PID1: variants seen among roughly 807,000 people sequenced by gnomAD.
PID1 encodes the protein PTB-containing, cubilin and LRP1-interacting protein.
A neutral mutation model predicts 19.1 loss-of-function variants in PID1; 10 were observed. The observed-to-expected ratio is 0.52, with a 90% CI of 0.32 to 0.89. The LOEUF is 0.89. Ranked by LOEUF, PID1 falls within the 40% of genes least tolerant of loss-of-function variation. The probability of loss-of-function intolerance (pLI) is 0.03; values close to 1 mark genes in which losing one functional copy is unlikely to be tolerated. For synonymous variants in PID1, 130 were observed against 116.0 expected, an observed-to-expected ratio of 1.12 and a Z score of -0.78; for missense variants, 248 against 285.3, an observed-to-expected ratio of 0.87 and a Z score of 0.94.
At chr2:229,270,921 A>G in intron 1 of PID1, 93 bp downstream of exon 1, 1 of 1,199,608 alleles carries the variant, frequency 8.3e-7, no homozygotes, top group Non-Finnish European at 1.2e-6. Flanking sequence ...GGTTTTGGGC[A>G]AATCCCCTAA....
chr2:229,260,875 C>G (rs1276459488), intron 1 of PID1, among the ~76,000 whole-genome samples: 1 of 129,942 alleles, frequency 7.7e-6, no homozygotes, highest in Non-Finnish European at 1.6e-5. Flanking sequence ...ATCTTGGTGA[C>G]TGGTAGATAC....
intron 2 of PID1, among the ~76,000 whole-genome samples, chr2:229,109,945 C>T (rs921193984): frequency 6.6e-6 from 1 of 152,114 alleles, no homozygotes; most frequent in Non-Finnish European, 1.5e-5. Flanking sequence ...TCATGCAGAA[C>T]ATATTAAAGA....
intron 2 of PID1, among the ~76,000 whole-genome samples, chr2:229,113,907 A>C (rs926142033): frequency 6.6e-6 from 1 of 152,126 alleles, no homozygotes; most frequent in Non-Finnish European, 1.5e-5. Flanking sequence ...TAAATGAGCG[A>C]AATTTCTACT....
At chr2:229,160,175 G>A (rs930584248) in intron 1 of PID1, among the ~76,000 whole-genome samples, 2 of 152,182 alleles carry the variant, frequency 1.3e-5, no homozygotes, top group African/African-American at 4.8e-5. Flanking sequence ...CCTGCTTTCA[G>A]GAGGTTGAGA....
intron 2 of PID1, among the ~76,000 whole-genome samples, chr2:229,140,091 A>G (rs1054027596): frequency 2.6e-5 from 4 of 152,154 alleles, no homozygotes; most frequent in Admixed American, 1.3e-4. Context: ...CCTCATCCCC[A>G]AAGTATGCTA....
chr2:229,174,723 G>GAAA (rs11295094), intron 1 of PID1, among the ~76,000 whole-genome samples: 1 of 129,994 alleles, frequency 7.7e-6, no homozygotes. Context: ...AATGCATGAA[G>GAAA]AAAAAAAAAA....
chr2:229,056,685 T>A (rs1694109374), intron 2 of PID1, among the ~76,000 whole-genome samples: 1 of 67,372 alleles, frequency 1.5e-5, no homozygotes, highest in Admixed American at 1.1e-4. Flanking sequence ...CCCTTCCCAA[T>A]GCACCACCAA....
chr2:229,233,359 T>C (rs79062378), intron 1 of PID1, among the ~76,000 whole-genome samples: 22,255 of 152,066 alleles, frequency 0.15, 2,085 homozygotes, highest in Admixed American at 0.24. Context: ...TCATAAGGTC[T>C]TTTGAACTAC....
chr2:229,141,976 TCAGGAGCTGAAACACC>T (rs1443208645), intron 2 of PID1, among the ~76,000 whole-genome samples: 1 of 151,900 alleles, frequency 6.6e-6, no homozygotes, highest in Admixed American at 6.6e-5. Context: ...AGCTGGATAG[TCAGGAGCTGAAACACC>T]CAGGGATGTA....
Position 229,243,171 on chromosome 2 carries a change from T to C in PID1, c.30+27843A>G, listed in dbSNP as rs551203328. ...GATGGCAGCAGGCAGAGAGAGCTTA[T>C]GCAGGGAAAGTACCATTTTTAAAGC... On this transcript the variant is annotated intron_variant, in intron 1 of 2. Coordinates refer to ENST00000392055, the MANE Select transcript of PID1 (RefSeq NM_001100818.2). Among the ~76,000 whole-genome samples the C allele has an allele frequency of 4.4e-4, 67 of 152,236 alleles. 1 individual carries two copies. Among genetic ancestry groups the C allele is most frequent in the African/African-American group, 1.6e-3 (67 of 41,558 alleles).
chr2:229,241,512 C>T (rs977358648), intron 1 of PID1, among the ~76,000 whole-genome samples: 2 of 152,158 alleles, frequency 1.3e-5, no homozygotes, highest in East Asian at 1.9e-4. Flanking sequence ...GATTGTTGCA[C>T]AAATAAAACA....
chr2:229,026,166 T>C (rs763911664), intron 2 of PID1, 58 bp from the exon 3 acceptor site: 2 of 1,156,220 alleles, frequency 1.7e-6, no homozygotes, highest in Non-Finnish European at 2.6e-6. Context: ...TTTGTTCTGA[T>C]AGACTGAATG....
intron 2 of PID1, among the ~76,000 whole-genome samples, chr2:229,075,306 T>A (rs1694535880): frequency 6.6e-6 from 1 of 152,236 alleles, no homozygotes; most frequent in Non-Finnish European, 1.5e-5. Flanking sequence ...CATTGTAAGT[T>A]GAGGACCATC....
In PID1 at chr2:229,255,757, C is replaced by T. The variant is rs1690274772; in HGVS notation, c.30+15257G>A. ...AGTAGAAGAAGCCTCCCACTTGTGCCTGGAACCCCTCCCAGATGCTCTGGA... is the reference window on the plus strand; with the variant it reads ...AGTAGAAGAAGCCTCCCACTTGTGCTTGGAACCCCTCCCAGATGCTCTGGA... On this transcript the variant is annotated intron_variant, in intron 1 of 2. Coordinates refer to ENST00000392055, the MANE Select transcript of PID1 (RefSeq NM_001100818.2). Among the ~76,000 whole-genome samples, 3 of 152,146 alleles carry T rather than the reference C, an allele frequency of 2.0e-5. No homozygotes were observed. In the South Asian group the frequency reaches 6.2e-4, roughly 32 times the overall value.
chr2:229,206,202 A>G (rs1691605569), intron 1 of PID1, among the ~76,000 whole-genome samples: 1 of 152,082 alleles, frequency 6.6e-6, no homozygotes, highest in African/African-American at 2.4e-5. Context: ...CCTCATAAAA[A>G]CAAATCAATA....
intron 2 of PID1, among the ~76,000 whole-genome samples, chr2:229,130,046 T>C (rs1689698558): frequency 6.6e-6 from 1 of 152,200 alleles, no homozygotes; most frequent in Admixed American, 6.5e-5. Flanking sequence ...AAAGAGCCAT[T>C]GGCAACCCTG....
chr2:229,047,893 C>G (rs1331238794), intron 2 of PID1, among the ~76,000 whole-genome samples: 1 of 152,188 alleles, frequency 6.6e-6, no homozygotes, highest in Non-Finnish European at 1.5e-5. Flanking sequence ...AGAAGCTGTT[C>G]TACATCTTGG....
chr2:229,132,859 G>A (rs1357503751), intron 2 of PID1, among the ~76,000 whole-genome samples: 1 of 152,078 alleles, frequency 6.6e-6, no homozygotes, highest in Non-Finnish European at 1.5e-5. Context: ...TAAATACTTA[G>A]GCGAAAGATG....
At chr2:229,113,509 C>CATATAT (rs3067619) in intron 2 of PID1, among the ~76,000 whole-genome samples, 2,128 of 138,134 alleles carry the variant, frequency 0.015, 22 homozygotes, top group Middle Eastern at 0.033. Flanking sequence ...TGTGTGTATA[C>CATATAT]ATATATATAT....
Sources: allele counts gnomAD v4.1 joint callset (sites outside exome capture counted in the v4.1 genomes callset), GRCh38; gene constraint gnomAD v4.1.1; transcripts MANE v1.5; gene names NCBI Gene and HGNC (gene_info 2026-07-23, HGNC 2026-07-21).